Variants in TGFB1I1 observed in about 807,000 individuals in gnomAD.
TGFB1I1 encodes the protein transforming growth factor beta-1-induced transcript 1 protein.
In TGFB1I1, 33 loss-of-function variants were observed where a neutral mutation model predicts 52.0. The observed-to-expected ratio is 0.63, with a 90% CI of 0.48 to 0.85. The LOEUF is 0.85. Among genes scored for constraint, TGFB1I1 ranks in the 40% least tolerant of loss-of-function variants. The pLI, the probability that TGFB1I1 is intolerant of heterozygous loss-of-function variation, is 0.00. For synonymous variants in TGFB1I1, 236 were observed against 253.3 expected, an observed-to-expected ratio of 0.93 and a Z score of 0.65; for missense variants, 577 against 614.9, an observed-to-expected ratio of 0.94 and a Z score of 0.65.
chr16:31,477,940 A>C lies in TGFB1I1; in HGVS notation c.*364A>C. The C allele has an allele frequency of 3.2e-5, 8 of 252,570 alleles. No individual in the cohort carries two copies. In the East Asian group the frequency reaches 3.3e-4, roughly 10 times the overall value. 15.6% of individuals were successfully genotyped at this position (252,570 alleles called of 1,614,324 possible). On this transcript the variant is annotated 3_prime_UTR_variant, in exon 11 of 11. Coordinates refer to ENST00000394863, the MANE Select transcript of TGFB1I1 (RefSeq NM_001042454.3). The surrounding 1 kb of genome is among the most constrained non-coding windows in gnomAD (Gnocchi z 4.7). ...TCTGTGCACTTTTTCTACCTACATAAACACACGCATTCCACCTCTCCCTGG... is the reference window on the plus strand; with the variant it reads ...TCTGTGCACTTTTTCTACCTACATACACACACGCATTCCACCTCTCCCTGG...
Position 31,476,546 on chromosome 16 carries a change from G to C in TGFB1I1, c.954G>C (p.Glu318Asp), listed in dbSNP as rs758286025. The stretch of plus-strand genomic sequence containing the variant: ...ATTTCTGCTGCGTCAGTTGCGGGGA[G>C]CCCTTCGGAGATGAGGGTGAGAGTG... ...PEHFCCVSCG[E>D]PFGDEGFHER... The change falls in exon 9 of 11, where the codon GAG becomes GAC. Residue 318 changes from glutamate (E) to aspartate (D), a missense_variant. This residue lies in a region of TGFB1I1 where 456 missense variants were observed against 461.6 expected (regional missense o/e 0.99). Coordinates refer to ENST00000394863, the MANE Select transcript of TGFB1I1 (RefSeq NM_001042454.3). The surrounding 1 kb of genome is among the most constrained non-coding windows in gnomAD (Gnocchi z 7.6). 7 of 1,613,196 alleles carry C rather than the reference G, an allele frequency of 4.3e-6. No individual in the cohort carries two copies. In the South Asian group the frequency reaches 7.7e-5, roughly 18 times the overall value.
rs1415264862 is a variant in TGFB1I1 at position 31,477,392 on chromosome 16, G to A, written c.1202G>A (p.Arg401His). 6.2e-7 allele frequency: 1 copy of A among 1,610,732 alleles called. No homozygotes were observed. Among genetic ancestry groups the A allele is most frequent in the East Asian group, 2.2e-5 (1 of 44,782 alleles). Residue 401 changes from arginine (R) to histidine (H), a missense_variant, in exon 11 of 11, where the codon CGC becomes CAC. Transcript: ENST00000394863. This position sits in a 1 kb window ranked among gnomAD's most constrained non-coding sequence, Gnocchi z 4.7. Reference protein sequence around the residue: ...PLCENHFHARRGSLCATCGLP... With the variant: ...PLCENHFHARHGSLCATCGLP... Reference sequence around the variant, plus strand: ...TGCGAGAACCACTTCCACGCACGACGCGGCTCGCTGTGCGCCACGTGTGGC... The same window carrying A: ...TGCGAGAACCACTTCCACGCACGACACGGCTCGCTGTGCGCCACGTGTGGC...
chr16:31,476,152 A>G lies in TGFB1I1; in HGVS notation c.855A>G (p.Pro285=). Residue 285 remains proline, a synonymous_variant, in exon 8 of 11, where the codon CCA becomes CCG. Coordinates refer to ENST00000394863, the MANE Select transcript of TGFB1I1 (RefSeq NM_001042454.3). The surrounding 1 kb of genome is among the most constrained non-coding windows in gnomAD (Gnocchi z 7.6). Reference sequence around the variant, plus strand: ...AGTGCTACTTTGAGCGCTTCTCGCCAAGATGTGGCTTCTGCAACCAGCCCA... The same window carrying G: ...AGTGCTACTTTGAGCGCTTCTCGCCGAGATGTGGCTTCTGCAACCAGCCCA... ...CPECYFERFS[P]RCGFCNQPIR... is the part of the protein sequence containing the mutation. The G allele has an allele frequency of 1.2e-6, 2 of 1,613,446 alleles. No individual in the cohort carries two copies. The highest frequency in any genetic ancestry group is 1.3e-5 in the African/African-American group (1 of 75,024).
In TGFB1I1 at chr16:31,473,437, G is replaced by A. The variant is rs141227787; in HGVS notation, c.14-4G>A. On this transcript the variant is annotated splice_polypyrimidine_tract_variant and splice_region_variant and intron_variant, in intron 1 of 10. Transcript: ENST00000394863. ...TCTCTCTCCCTGATGGCCTCTTCCT[G>A]CAGATGCCCTGCTCTCTGACCTGGA... 18,383 of 1,612,314 alleles carry A rather than the reference G, an allele frequency of 0.011. 123 individuals carry two copies. Among genetic ancestry groups the A allele is most frequent in the Non-Finnish European group, 0.014 (16,557 of 1,178,948 alleles).
In TGFB1I1 at chr16:31,473,423, G is replaced by C; in HGVS notation, c.14-18G>C. 1.2e-6 allele frequency: 2 copies of C among 1,606,928 alleles called. No individual in the cohort carries two copies. The highest frequency in any genetic ancestry group is 1.7e-6 in the Non-Finnish European group (2 of 1,174,328). ...AACCGTGACCCTTGTCTCTCTCCCT[G>C]ATGGCCTCTTCCTGCAGATGCCCTG... On this transcript the variant is annotated intron_variant, in intron 1 of 10. Coordinates refer to ENST00000394863, the MANE Select transcript of TGFB1I1 (RefSeq NM_001042454.3).
chr16:31,475,900 G>C, intron 7 of TGFB1I1, 112 bp from the exon 8 acceptor site: 1 of 1,179,060 alleles, frequency 8.5e-7, no homozygotes. Flanking sequence ...TCGAACACTG[G>C]ATTCTTTATT....
In TGFB1I1 at chr16:31,473,666, C is replaced by T. The variant is rs772641372; in HGVS notation, c.130-16C>T. Reference sequence around the variant, plus strand: ...GTGCAGGCCTGTCATCCCACCTGTGCGTCTCCGCTCTGTAGACAGGGTCTG... The same window carrying T: ...GTGCAGGCCTGTCATCCCACCTGTGTGTCTCCGCTCTGTAGACAGGGTCTG... On this transcript the variant is annotated splice_polypyrimidine_tract_variant and intron_variant, in intron 2 of 10. Coordinates refer to ENST00000394863, the MANE Select transcript of TGFB1I1 (RefSeq NM_001042454.3). The T allele has an allele frequency of 6.4e-6, 10 of 1,569,196 alleles. No individual in the cohort carries two copies. Among genetic ancestry groups the T allele is most frequent in the Middle Eastern group, 1.7e-4 (1 of 5,844 alleles).
At position 31,477,202 on chromosome 16, in the gene TGFB1I1, G is replaced by T; in HGVS notation, c.1120-108G>T. On this transcript the variant is annotated intron_variant, in intron 10 of 10. Transcript: ENST00000394863. This position sits in a 1 kb window ranked among gnomAD's most constrained non-coding sequence, Gnocchi z 4.7. ...AGGGTCCCACCGGACGGGATTCTTC[G>T]CGTCTAGGGCGGGCTGCGGGGTCCC... The T allele has an allele frequency of 1.4e-6, 2 of 1,475,096 alleles. No homozygotes were observed. Among genetic ancestry groups the T allele is most frequent in the Admixed American group, 2.3e-5 (1 of 43,882 alleles). 91.4% of individuals were successfully genotyped at this position (1,475,096 alleles called of 1,614,324 possible).
rs1358537069 is a variant in TGFB1I1 at position 31,474,227 on chromosome 16, A to G, written c.401A>G (p.Lys134Arg). 3 of 1,614,140 alleles carry G rather than the reference A, an allele frequency of 1.9e-6. No homozygotes were observed. Among genetic ancestry groups the G allele is most frequent in the Non-Finnish European group, 8.5e-7 (1 of 1,180,010 alleles). Residue 134 changes from lysine (K) to arginine (R), a missense_variant, in exon 5 of 11, where the codon AAA (lysine) becomes AGA (arginine). By Grantham distance (26) the Lys-to-Arg change is conservative (BLOSUM62 2). Transcript: ENST00000394863. This position sits in a 1 kb window ranked among gnomAD's most constrained non-coding sequence, Gnocchi z 4.2. ...AAGGAGGACCAGTCTGAAGATAAGA[A>G]AAGACCCAGCCTGTGAGTTTGGCGT... is the stretch of plus-strand genomic sequence containing the variant. ...EQKEDQSEDKKRPSLPSSPSP... is the reference protein window; with the variant it reads ...EQKEDQSEDKRRPSLPSSPSP...
rs776176609 is a variant in TGFB1I1, at chr16:31,473,428, C to G, written c.14-13C>G. ...TGACCCTTGTCTCTCTCCCTGATGGCCTCTTCCTGCAGATGCCCTGCTCTC... is the reference window on the plus strand; with the variant it reads ...TGACCCTTGTCTCTCTCCCTGATGGGCTCTTCCTGCAGATGCCCTGCTCTC... On this transcript the variant is annotated splice_polypyrimidine_tract_variant and intron_variant, in intron 1 of 10. Transcript: ENST00000394863. 7 of 1,608,270 alleles carry G rather than the reference C, an allele frequency of 4.4e-6. No individual in the cohort carries two copies. The East Asian group carries it at 1.3e-4, about 31-fold the overall frequency.
In TGFB1I1 at chr16:31,474,477, T is replaced by C. The variant is rs2082410802; in HGVS notation, c.519+22T>C. Reference sequence around the variant, plus strand: ...CCATGTGAGTTGGGCAGTGGGCCAGTGTCCATTTGTGGCTCCCCAACCCCT... The same window carrying C: ...CCATGTGAGTTGGGCAGTGGGCCAGCGTCCATTTGTGGCTCCCCAACCCCT... On this transcript the variant is annotated intron_variant, in intron 6 of 10. Transcript: ENST00000394863. This position sits in a 1 kb window ranked among gnomAD's most constrained non-coding sequence, Gnocchi z 4.2. 6.2e-7 allele frequency: 1 copy of C among 1,613,872 alleles called. No homozygotes were observed. The highest frequency in any genetic ancestry group is 8.5e-7 in the Non-Finnish European group (1 of 1,179,972).
At position 31,474,392 on chromosome 16, in the gene TGFB1I1, C is replaced by G. The variant is rs1166512419; in HGVS notation, c.456C>G (p.Thr152=). The part of the protein sequence containing the change: ...PSPGLPKASA[T]SATLELDRLM... The stretch of plus-strand genomic sequence containing the variant: ...CTGGCCTCCCAAAGGCTTCTGCCAC[C>G]TCAGCCACTCTGGAGCTGGATAGAC... The change falls in exon 6 of 11, where the codon ACC becomes ACG. Residue 152 remains threonine (T), a synonymous_variant. Transcript: ENST00000394863. The surrounding 1 kb of genome is among the most constrained non-coding windows in gnomAD (Gnocchi z 4.2). 4.3e-6 allele frequency: 7 copies of G among 1,614,246 alleles called. No homozygotes were observed. In the East Asian group the frequency reaches 1.3e-4, roughly 31 times the overall value.
chr16:31,477,712 C>G lies in TGFB1I1; in HGVS notation c.*136C>G, dbSNP rs13143. 1 of 1,192,446 alleles carries G rather than the reference C, an allele frequency of 8.4e-7. No homozygotes were observed. Among genetic ancestry groups the G allele is most frequent in the Non-Finnish European group, 1.1e-6 (1 of 880,136 alleles). The allele number at this position is 1,192,446 out of a possible 1,614,324, so 73.9% of individuals were successfully genotyped here. A position where few individuals can be genotyped will look rare whatever the true frequency, so the allele number is the denominator to read the frequency against. ...GCCCCGCCCCTAAGGTACTATGAGT[C>G]CTCAGGGGTCAAGTTCAGAAACGGC... is the stretch of plus-strand genomic sequence containing the variant. On this transcript the variant is annotated 3_prime_UTR_variant, in exon 11 of 11. Coordinates refer to ENST00000394863, the MANE Select transcript of TGFB1I1 (RefSeq NM_001042454.3). The surrounding 1 kb of genome is among the most constrained non-coding windows in gnomAD (Gnocchi z 4.7).
chr16:31,473,597 A>C (rs1365616582), intron 2 of TGFB1I1, 41 bp downstream of exon 2: 1 of 1,612,250 alleles, frequency 6.2e-7, no homozygotes, highest in Admixed American at 1.7e-5. Context: ...CACTAGGGCC[A>C]GGCTCGGCCT....
intron 7 of TGFB1I1, 30 bp from the exon 8 acceptor site, chr16:31,475,982 G>T: frequency 6.2e-7 from 1 of 1,600,420 alleles, no homozygotes; most frequent in Non-Finnish European, 8.5e-7. Flanking sequence ...TGTCAGAGCC[G>T]CTCTGACCCG....
At chr16:31,472,239 C>A in intron 1 of TGFB1I1, 38 bp downstream of exon 1, 2 of 1,470,732 alleles carry the variant, frequency 1.4e-6, no homozygotes, top group Non-Finnish European at 9.0e-7. Context: ...TGGCCCCTCA[C>A]CGCTGCCCAG....
intron 1 of TGFB1I1, 93 bp downstream of exon 1, chr16:31,472,294 C>T (rs370398793): frequency 7.2e-7 from 1 of 1,390,658 alleles, no homozygotes; most frequent in Non-Finnish European, 9.3e-7. Context: ...CCATCCCTGT[C>T]TTCTTACTTC....
At position 31,474,403 on chromosome 16, in the gene TGFB1I1, T is replaced by C. The variant is rs777778513; in HGVS notation, c.467T>C (p.Leu156Pro). 6.2e-7 allele frequency: 1 copy of C among 1,614,234 alleles called. No homozygotes were observed. The highest frequency in any genetic ancestry group is 8.5e-7 in the Non-Finnish European group (1 of 1,180,042). The change falls in exon 6 of 11, where the codon CTG becomes CCG. Residue 156 changes from leucine (L) to proline (P), a missense_variant. By Grantham distance (98) the Leu-to-Pro change is moderately conservative. This residue lies in a region of TGFB1I1 where 456 missense variants were observed against 461.6 expected (regional missense o/e 0.99). Transcript: ENST00000394863. The surrounding 1 kb of genome is among the most constrained non-coding windows in gnomAD (Gnocchi z 4.2). ...LPKASATSATLELDRLMASLS... is the reference protein window; with the variant it reads ...LPKASATSATPELDRLMASLS... Reference sequence around the variant, plus strand: ...AAGGCTTCTGCCACCTCAGCCACTCTGGAGCTGGATAGACTGATGGCCTCA... The same window carrying C: ...AAGGCTTCTGCCACCTCAGCCACTCCGGAGCTGGATAGACTGATGGCCTCA...
In TGFB1I1 at chr16:31,476,123, C is replaced by T. The variant is rs2082421779; in HGVS notation, c.826C>T (p.Pro276Ser). The change falls in exon 8 of 11, where the codon CCC (proline) becomes TCC (serine). Residue 276 changes from proline to serine, a missense_variant. Coordinates refer to ENST00000394863, the MANE Select transcript of TGFB1I1 (RefSeq NM_001042454.3). This position sits in a 1 kb window ranked among gnomAD's most constrained non-coding sequence, Gnocchi z 7.6. ...FFEKDGAPFC[P>S]ECYFERFSPR... The stretch of plus-strand genomic sequence containing the variant: ...CGAGAAGGATGGAGCCCCCTTCTGC[C>T]CCGAGTGCTACTTTGAGCGCTTCTC... The T allele has an allele frequency of 6.2e-7, 1 of 1,613,868 alleles. No individual in the cohort carries two copies. The highest frequency in any genetic ancestry group is 1.1e-5 in the South Asian group (1 of 91,088).
Sources: gnomAD v4.1 joint callset for allele counts on GRCh38, gnomAD v4.1.1 for gene constraint, gnomAD v4.1.1 regional missense constraint, Gnocchi (gnomAD v3.1) non-coding constraint, MANE v1.5 for transcripts, NCBI Gene and HGNC (gene_info 2026-07-23, HGNC 2026-07-21) for gene names.